OXR1: variants seen among roughly 807,000 people sequenced by gnomAD.
OXR1 encodes the protein oxidation resistance protein 1.
In OXR1, 41 loss-of-function variants were observed where a neutral mutation model predicts 104.6. That is an observed-to-expected ratio of 0.39 (90% CI 0.31 to 0.51). The LOEUF (loss-of-function observed/expected upper bound fraction) is 0.51, where lower values mean the gene tolerates loss of function less well. OXR1 is among the 20% of genes least tolerant of loss of function. OXR1 has a pLI of 0.77. For missense variants in OXR1, 955 were observed against 1,031.9 expected (o/e 0.93, Z 1.02); for synonymous variants, 348 against 348.4 (o/e 1.00, Z 0.01).
At chr8:106,331,075 G>T (rs1192913555) in intron 1 of OXR1, among the ~76,000 whole-genome samples, 6 of 152,128 alleles carry the variant, frequency 3.9e-5, no homozygotes. Context: ...TTGGTGAGTT[G>T]CCCAGAATTG....
At chr8:106,288,644 T>G (rs1586476870) in intron 1 of OXR1, among the ~76,000 whole-genome samples, 1 of 148,012 alleles carries the variant, frequency 6.8e-6, no homozygotes, top group South Asian at 2.1e-4. Flanking sequence ...TATTAATATA[T>G]ACACACACAT....
intron 8 of OXR1, among the ~76,000 whole-genome samples, chr8:106,704,353 T>C (rs999209308): frequency 2.0e-5 from 3 of 150,662 alleles, no homozygotes; most frequent in Non-Finnish European, 4.4e-5. Flanking sequence ...GATTCTGTTG[T>C]CCTCCTTTTC....
In OXR1 at chr8:106,706,671, AAATCAG is replaced by A; in HGVS notation, c.1155_1160del (p.Glu386_Ser387del). 1 of 1,613,386 alleles carries A rather than the reference AAATCAG, an allele frequency of 6.2e-7. No homozygotes were observed. Among genetic ancestry groups the A allele is most frequent in the South Asian group, 1.1e-5 (1 of 90,912 alleles). Reference sequence around the variant, plus strand: ...GGCTGAAGTAGAAAGTCTGACAGTCAAATCAGAATCTACTGGTACTCCTGGTCACTT... The same window carrying A: ...GGCTGAAGTAGAAAGTCTGACAGTCAAATCTACTGGTACTCCTGGTCACTT... On this transcript the variant is annotated inframe_deletion, in exon 9 of 17. Coordinates refer to ENST00000517566, the MANE Select transcript of OXR1 (RefSeq NM_001198533.2).
At chr8:106,687,152 T>A (rs1359458862) in intron 6 of OXR1, among the ~76,000 whole-genome samples, 2 of 152,138 alleles carry the variant, frequency 1.3e-5, no homozygotes, top group East Asian at 3.9e-4. Context: ...CTGGAGCAGT[T>A]GCAGAAGATA....
At chr8:106,333,771 G>A (rs1445299532) in intron 1 of OXR1, among the ~76,000 whole-genome samples, 2 of 152,040 alleles carry the variant, frequency 1.3e-5, no homozygotes, top group Non-Finnish European at 2.9e-5. Flanking sequence ...AATTGACCAT[G>A]GATATATGAG....
At chr8:106,676,525 A>G (rs1827610423) in intron 3 of OXR1, among the ~76,000 whole-genome samples, 1 of 152,150 alleles carries the variant, frequency 6.6e-6, no homozygotes, top group Non-Finnish European at 1.5e-5. Context: ...TCTTATGGAA[A>G]GGATCTTATT....
intron 2 of OXR1, among the ~76,000 whole-genome samples, chr8:106,498,075 A>G (rs79643877): frequency 1.9e-3 from 285 of 152,256 alleles, no homozygotes; most frequent in South Asian, 3.1e-3. Context: ...CATGCTAGAA[A>G]TTTGCTTATA....
At chr8:106,668,169 C>CT (rs949372495) in intron 3 of OXR1, among the ~76,000 whole-genome samples, 3 of 152,082 alleles carry the variant, frequency 2.0e-5, no homozygotes, top group Non-Finnish European at 4.4e-5. Context: ...TTTTCAACCA[C>CT]TTTTTTATAA....
chr8:106,444,734 C>T (rs1819942939), intron 2 of OXR1, among the ~76,000 whole-genome samples: 1 of 152,032 alleles, frequency 6.6e-6, no homozygotes, highest in African/African-American at 2.4e-5. Flanking sequence ...TCAATAGGTG[C>T]AGCAAACCAC....
intron 11 of OXR1, among the ~76,000 whole-genome samples, chr8:106,733,491 T>G (rs1001781448): frequency 6.6e-6 from 1 of 152,218 alleles, no homozygotes; most frequent in East Asian, 1.9e-4. Flanking sequence ...CTAATTTTAT[T>G]TTCCTGTGCT....
intron 2 of OXR1, among the ~76,000 whole-genome samples, chr8:106,398,642 A>C (rs1817880974): frequency 6.6e-6 from 1 of 152,126 alleles, no homozygotes; most frequent in African/African-American, 2.4e-5. Flanking sequence ...GCTCTCAGCA[A>C]ATTTAGTTGG....
intron 2 of OXR1, among the ~76,000 whole-genome samples, chr8:106,455,639 A>G (rs1433787922): frequency 6.6e-6 from 1 of 152,172 alleles, no homozygotes; most frequent in Non-Finnish European, 1.5e-5. Context: ...GACCCCCTAG[A>G]GCAGTGTTAC....
Position 106,736,165 on chromosome 8 carries a change from A to AC in OXR1, c.1957-1346dup, listed in dbSNP as rs5893803. ...AATGGGGAACCCAGGTTTATCTGAC[A>AC]CCCCCCCCCATCCGCCCCCAGAGCT... On this transcript the variant is annotated intron_variant, in intron 11 of 16. Coordinates refer to ENST00000517566, the MANE Select transcript of OXR1 (RefSeq NM_001198533.2). Among the ~76,000 whole-genome samples, 1,081 of 145,646 alleles carry AC rather than the reference A, an allele frequency of 7.4e-3. 11 individuals are homozygous for AC. Among genetic ancestry groups the AC allele is most frequent in the African/African-American group, 0.013 (535 of 40,516 alleles).
intron 8 of OXR1, 93 bp from the exon 9 acceptor site, chr8:106,706,289 C>CTTTAAACTTTTTTGTTAAAAAGTG: frequency 1.2e-6 from 1 of 816,288 alleles, no homozygotes; most frequent in Non-Finnish European, 1.9e-6. Flanking sequence ...GTTAAAAAGT[C>CTTTAAACTTTTTTGTTAAAAAGTG]TTTTTAGTGA....
chr8:106,429,198 C>T (rs535474263), intron 2 of OXR1, among the ~76,000 whole-genome samples: 2 of 152,064 alleles, frequency 1.3e-5, no homozygotes, highest in Admixed American at 6.6e-5. Flanking sequence ...GCTTGAAATT[C>T]GTTCTCAGTG....
intron 3 of OXR1, among the ~76,000 whole-genome samples, chr8:106,556,154 T>G (rs1221671827): frequency 6.6e-6 from 1 of 151,864 alleles, no homozygotes; most frequent in Non-Finnish European, 1.5e-5. Context: ...GTAGCCAAAA[T>G]GAGGAGCAAC....
intron 3 of OXR1, among the ~76,000 whole-genome samples, chr8:106,565,546 T>C (rs1817003703): frequency 6.6e-6 from 1 of 152,172 alleles, no homozygotes; most frequent in Non-Finnish European, 1.5e-5. Context: ...AAAATGGCCA[T>C]ACTCCCCAAA....
At chr8:106,346,778 G>A (rs150646505) in intron 1 of OXR1, among the ~76,000 whole-genome samples, 1,585 of 152,178 alleles carry the variant, frequency 0.01, 24 homozygotes, top group African/African-American at 0.035. Flanking sequence ...GGTGGCTCAC[G>A]CTTGTAATCC....
At chr8:106,524,561 C>T (rs561100466) in intron 3 of OXR1, among the ~76,000 whole-genome samples, 2 of 152,254 alleles carry the variant, frequency 1.3e-5, no homozygotes, top group South Asian at 2.1e-4. Flanking sequence ...CAGTGACACA[C>T]CAAACAGTGA....
Sources: allele counts gnomAD v4.1 joint callset (sites outside exome capture counted in the v4.1 genomes callset), GRCh38; gene constraint gnomAD v4.1.1; transcripts MANE v1.5; gene names NCBI Gene and HGNC (gene_info 2026-07-23, HGNC 2026-07-21).